The following NDUFA10 variants were observed in gnomAD, a reference collection of about 807,000 sequenced individuals.
The protein encoded by NDUFA10 is NADH:ubiquinone oxidoreductase subunit A10, also known as NADH dehydrogenase [ubiquinone] 1 alpha subcomplex subunit 10, mitochondrial.
In NDUFA10, 40 loss-of-function variants were observed where a neutral mutation model predicts 47.8. That is an observed-to-expected ratio of 0.84 (90% confidence interval 0.65 to 1.09). The LOEUF (loss-of-function observed/expected upper bound fraction) is 1.09, where lower values mean the gene tolerates loss of function less well. Among genes scored for constraint, NDUFA10 ranks in the 50% least tolerant of loss-of-function variants. The pLI is 0.00. For missense variants in NDUFA10, 413 were observed against 451.1 expected, an observed-to-expected ratio of 0.92 and a Z score of 0.76; for synonymous variants, 183 against 172.2, an observed-to-expected ratio of 1.06 and a Z score of -0.49.
chr2:239,953,699 G>T (rs1694601280), downstream of NDUFA10, among the ~76,000 whole-genome samples: 1 of 145,174 alleles, frequency 6.9e-6, no homozygotes, highest in African/African-American at 2.7e-5. Flanking sequence ...CAGGCACCGC[G>T]AACGTAAGTA....
intron 4 of NDUFA10, among the ~76,000 whole-genome samples, chr2:239,904,802 G>A (rs1205771446): frequency 6.6e-6 from 1 of 152,218 alleles, no homozygotes; most frequent in Non-Finnish European, 1.5e-5. Flanking sequence ...AAGTCAGGGT[G>A]TCCACACAGC....
intron 9 of NDUFA10, among the ~76,000 whole-genome samples, chr2:239,968,488 G>GT (rs1695174063): frequency 6.6e-6 from 1 of 152,214 alleles, no homozygotes; most frequent in African/African-American, 2.4e-5. Flanking sequence ...CCAAGTAGTA[G>GT]TCAACAGTTT....
At chr2:239,948,198 G>T (rs1260713835) in intron 4 of NDUFA10, among the ~76,000 whole-genome samples, 1 of 152,222 alleles carries the variant, frequency 6.6e-6, no homozygotes, top group African/African-American at 2.4e-5. Flanking sequence ...AACCTCCTGG[G>T]CCCTGCCCAC....
At chr2:240,014,560 G>A (rs1426179751) in intron 5 of NDUFA10, 179 bp downstream of exon 5, 12 of 984,898 alleles carry the variant, frequency 1.2e-5, no homozygotes, top group African/African-American at 3.2e-5. Flanking sequence ...GCACCAGGCC[G>A]AGCCATGGGG....
chr2:239,979,491 C>T (rs1403948987), intron 9 of NDUFA10, among the ~76,000 whole-genome samples: 1 of 152,174 alleles, frequency 6.6e-6, no homozygotes, highest in Non-Finnish European at 1.5e-5. Flanking sequence ...TGCTGGAATC[C>T]TTCAGCAATA....
chr2:239,989,060 G>A (rs1696139797), intron 9 of NDUFA10, among the ~76,000 whole-genome samples: 1 of 149,164 alleles, frequency 6.7e-6, no homozygotes, highest in South Asian at 2.1e-4. Flanking sequence ...AGTATACAAG[G>A]ACAAAGGGAG....
intron 4 of NDUFA10, among the ~76,000 whole-genome samples, chr2:239,902,029 G>A (rs1693561289): frequency 6.6e-6 from 1 of 152,112 alleles, no homozygotes; most frequent in South Asian, 2.1e-4. Flanking sequence ...ATCTACTCCT[G>A]GTGAAGATGT....
Position 239,959,838 on chromosome 2 carries a change from A to C in NDUFA10, c.*1280T>G. 1.1e-6 allele frequency: 1 copy of C among 942,350 alleles called. No individual in the cohort carries two copies. The highest frequency in any genetic ancestry group is 1.3e-6 in the Non-Finnish European group (1 of 791,128). The allele number at this position is 942,350 out of a possible 1,614,324, so 58.4% of individuals were successfully genotyped here. A position where few individuals can be genotyped will look rare whatever the true frequency, so the allele number is the denominator to read the frequency against. On this transcript the variant is annotated 3_prime_UTR_variant, in exon 10 of 10. Coordinates refer to ENST00000252711, the MANE Select transcript of NDUFA10 (RefSeq NM_004544.4). ...GGGAGGGAAGGAGGAGGAAAGAAGG[A>C]GGGAAGGAAGGGGAGAGGGAAAAAG...
At chr2:239,997,533 C>T (rs993149548) in intron 8 of NDUFA10, among the ~76,000 whole-genome samples, 1 of 152,086 alleles carries the variant, frequency 6.6e-6, no homozygotes, top group Admixed American at 6.5e-5. Context: ...ACACATATTC[C>T]GGAGAATCAT....
At chr2:239,973,335 T>C (rs543689585) in intron 9 of NDUFA10, among the ~76,000 whole-genome samples, 4 of 152,336 alleles carry the variant, frequency 2.6e-5, no homozygotes, top group African/African-American at 4.8e-5. Flanking sequence ...CCCGCATGTT[T>C]AGGTAAACTG....
chr2:239,915,876 CACACACAGAGAG>C (rs1180877857), intron 4 of NDUFA10, among the ~76,000 whole-genome samples: 23 of 150,646 alleles, frequency 1.5e-4, no homozygotes, highest in Non-Finnish European at 3.0e-4. Flanking sequence ...AATATACAGA[CACACACAGAGAG>C]ACACACAGAG....
chr2:239,939,470 G>A (rs968934995), intron 4 of NDUFA10, among the ~76,000 whole-genome samples: 2 of 152,250 alleles, frequency 1.3e-5, no homozygotes, highest in African/African-American at 4.8e-5. Flanking sequence ...ACTCCAACGT[G>A]TCTGCCATTG....
intron 9 of NDUFA10, chr2:239,973,530 G>A (rs539216834): frequency 8.5e-6 from 4 of 470,924 alleles, no homozygotes; most frequent in South Asian, 6.2e-5. Context: ...AGATTCTGTT[G>A]TCCTAGCAAC....
At chr2:239,991,290 C>T (rs191643735) in intron 8 of NDUFA10, among the ~76,000 whole-genome samples, 80 of 152,296 alleles carry the variant, frequency 5.3e-4, no homozygotes, top group Non-Finnish European at 1.0e-3. Context: ...GTAAAAACCG[C>T]GTCGCTCATA....
chr2:239,930,894 GC>G (rs1324927369), intron 4 of NDUFA10, among the ~76,000 whole-genome samples: 1 of 92,754 alleles, frequency 1.1e-5, no homozygotes, highest in Non-Finnish European at 2.2e-5. Context: ...GAGGGGTGTG[GC>G]AGGGAGGGAG....
At chr2:239,956,008 G>T (rs1559311961), downstream of NDUFA10, among the ~76,000 whole-genome samples, 1 of 152,174 alleles carries the variant, frequency 6.6e-6, no homozygotes, top group Non-Finnish European at 1.5e-5. Flanking sequence ...CCAGGAAAGG[G>T]ACAGGAAAGG....
intron 8 of NDUFA10, among the ~76,000 whole-genome samples, chr2:239,992,561 G>A (rs547748759): frequency 2.0e-5 from 3 of 152,226 alleles, no homozygotes; most frequent in South Asian, 4.1e-4. Flanking sequence ...TTAAAAAGAC[G>A]TGCTCCAGGA....
chr2:239,997,483 A>T (rs1260197570), intron 8 of NDUFA10, among the ~76,000 whole-genome samples: 1 of 152,234 alleles, frequency 6.6e-6, no homozygotes, highest in African/African-American at 2.4e-5. Flanking sequence ...TATTCTTTAT[A>T]GGGAAATTCA....
chr2:240,005,754 T>A (rs966125031), intron 7 of NDUFA10, among the ~76,000 whole-genome samples: 2 of 152,144 alleles, frequency 1.3e-5, no homozygotes, highest in Non-Finnish European at 2.9e-5. Flanking sequence ...TGACCTTTAA[T>A]GAAATGGTGG....
Sources: gnomAD v4.1 joint callset for allele counts (sites outside exome capture counted in the v4.1 genomes callset) on GRCh38, gnomAD v4.1.1 for gene constraint, MANE v1.5 for transcripts, NCBI Gene and HGNC (gene_info 2026-07-23, HGNC 2026-07-21) for gene names.